Variants in FOCAD observed in about 807,000 individuals in gnomAD.
The protein encoded by FOCAD is focadhesin, also known as KIAA1797.
FOCAD carries 198 observed loss-of-function variants against 225.6 expected under a neutral mutation model. That is an observed-to-expected ratio of 0.88 (90% CI 0.78 to 0.99). The LOEUF (loss-of-function observed/expected upper bound fraction) is 0.99, where lower values mean the gene tolerates loss of function less well. Ranked by LOEUF, FOCAD falls within the 50% of genes least tolerant of loss-of-function variation. The pLI, the probability that FOCAD is intolerant of heterozygous loss-of-function variation, is 0.00. For synonymous variants in FOCAD, 897 were observed against 755.0 expected, an observed-to-expected ratio of 1.19 and a Z score of -3.08; for missense variants, 2,713 against 2,123.6, an observed-to-expected ratio of 1.28 and a Z score of -5.46.
chr9:20,944,662 C>T lies in FOCAD; in HGVS notation c.3443C>T (p.Ser1148Phe). Residue 1148 changes from serine (S) to phenylalanine (F), a missense_variant, in exon 29 of 44, where the codon TCC (serine) becomes TTC (phenylalanine). Coordinates refer to ENST00000338382, the MANE Select transcript of FOCAD (RefSeq NM_001375567.1). ...ATATTGGGAGTTGGACTTGTTCTGTCCCTCATGAGCCACAGCAGCCAAATG... is the reference window on the plus strand; with the variant it reads ...ATATTGGGAGTTGGACTTGTTCTGTTCCTCATGAGCCACAGCAGCCAAATG... ...GCILGVGLVLSLMSHSSQMQS... is the reference protein window; with the variant it reads ...GCILGVGLVLFLMSHSSQMQS... 6.2e-7 allele frequency: 1 copy of T among 1,614,040 alleles called. No individual in the cohort carries two copies. The highest frequency in any genetic ancestry group is 8.5e-7 in the Non-Finnish European group (1 of 1,179,946).
intron 15 of FOCAD, among the ~76,000 whole-genome samples, chr9:20,833,402 A>G (rs1305195393): frequency 6.6e-6 from 1 of 152,060 alleles, no homozygotes; most frequent in Non-Finnish European, 1.5e-5. Flanking sequence ...ATTTTCTTTG[A>G]TTATTATAGG....
chr9:20,850,743 C>A (rs1564070509), intron 15 of FOCAD, among the ~76,000 whole-genome samples: 1 of 151,138 alleles, frequency 6.6e-6, no homozygotes, highest in Non-Finnish European at 1.5e-5. Context: ...AAAGACACAA[C>A]AGAGCATCTG....
intron 4 of FOCAD, among the ~76,000 whole-genome samples, chr9:20,728,145 A>T (rs759628044): frequency 6.6e-6 from 1 of 152,168 alleles, no homozygotes; most frequent in South Asian, 2.1e-4. Flanking sequence ...AAAATTAAAA[A>T]AAAATTTTTT....
chr9:20,769,417 A>T (rs777698110), intron 7 of FOCAD, among the ~76,000 whole-genome samples: 7 of 152,248 alleles, frequency 4.6e-5, no homozygotes, highest in Non-Finnish European at 7.3e-5. Flanking sequence ...TACCAACTCC[A>T]GAATTTTGAT....
chr9:20,971,485 G>A (rs1839760333), intron 35 of FOCAD, among the ~76,000 whole-genome samples: 1 of 151,526 alleles, frequency 6.6e-6, no homozygotes, highest in Admixed American at 6.6e-5. Context: ...TGTTGCTTAG[G>A]CTGGAGTACA....
chr9:20,796,166 A>G (rs1201072008), intron 11 of FOCAD, among the ~76,000 whole-genome samples: 2 of 152,160 alleles, frequency 1.3e-5, no homozygotes, highest in East Asian at 3.8e-4. Context: ...ATGGCTGCAT[A>G]GTATTCCATG....
intron 6 of FOCAD, among the ~76,000 whole-genome samples, chr9:20,759,427 TCTTTG>T (rs1829363445): frequency 6.6e-6 from 1 of 152,194 alleles, no homozygotes; most frequent in African/African-American, 2.4e-5. Context: ...AACTATCTGA[TCTTTG>T]ACAAACCTGA....
chr9:20,720,733 G>A (rs77045955), intron 4 of FOCAD, among the ~76,000 whole-genome samples, 199 bp downstream of exon 4: 2,301 of 152,126 alleles, frequency 0.015, 34 homozygotes, highest in Non-Finnish European at 0.025. Flanking sequence ...GGTCATTTGC[G>A]GTACTTAAGT....
intron 11 of FOCAD, among the ~76,000 whole-genome samples, chr9:20,795,539 A>T (rs1202929296): frequency 6.6e-6 from 1 of 151,880 alleles, no homozygotes; most frequent in Non-Finnish European, 1.5e-5. Flanking sequence ...TAATCCCAGC[A>T]CTTTGGGAGG....
chr9:20,783,228 C>G (rs1227774168), intron 10 of FOCAD, among the ~76,000 whole-genome samples: 1 of 152,128 alleles, frequency 6.6e-6, no homozygotes, highest in Non-Finnish European at 1.5e-5. Context: ...ACACTAATAT[C>G]TGGACTTTCT....
intron 38 of FOCAD, 25 bp downstream of exon 38, chr9:20,981,711 C>G (rs892624077): frequency 6.3e-7 from 1 of 1,590,486 alleles, no homozygotes; most frequent in Admixed American, 1.8e-5. Context: ...TATTTACATT[C>G]CTGACAATTT....
At chr9:20,801,116 C>T (rs1467236977) in intron 11 of FOCAD, among the ~76,000 whole-genome samples, 3 of 152,104 alleles carry the variant, frequency 2.0e-5, no homozygotes, top group African/African-American at 7.2e-5. Flanking sequence ...AGGTCCACTC[C>T]AGACCCTGTT....
intron 35 of FOCAD, among the ~76,000 whole-genome samples, chr9:20,974,937 A>C (rs62558288): frequency 6.6e-6 from 1 of 151,762 alleles, no homozygotes; most frequent in Non-Finnish European, 1.5e-5. Context: ...CCTTCTTCCT[A>C]TGCTTCTCCT....
At chr9:20,881,623 A>G (rs1830671993) in intron 19 of FOCAD, among the ~76,000 whole-genome samples, 1 of 152,186 alleles carries the variant, frequency 6.6e-6, no homozygotes, top group African/African-American at 2.4e-5. Context: ...AGGTGGAATC[A>G]GAAGGACTTG....
chr9:20,905,391 G>C (rs368315783), intron 21 of FOCAD, among the ~76,000 whole-genome samples: 2 of 151,820 alleles, frequency 1.3e-5, no homozygotes, highest in African/African-American at 4.8e-5. Context: ...TTAAACTCAA[G>C]TTTAAAAAGC....
chr9:20,957,724 G>C (rs1233867811), intron 35 of FOCAD: 1 of 129,482 alleles, frequency 7.7e-6, no homozygotes, highest in Non-Finnish European at 1.6e-5. Flanking sequence ...TTCTATGTTG[G>C]CCAGGCTGGT....
intron 2 of FOCAD, among the ~76,000 whole-genome samples, chr9:20,671,863 C>G (rs1283850214): frequency 6.6e-6 from 1 of 152,150 alleles, no homozygotes; most frequent in Non-Finnish European, 1.5e-5. Flanking sequence ...CTTGTACAGG[C>G]TCCTGAGAGC....
intron 15 of FOCAD, among the ~76,000 whole-genome samples, chr9:20,823,701 A>T (rs924913083): frequency 6.6e-6 from 1 of 152,122 alleles, no homozygotes; most frequent in Non-Finnish European, 1.5e-5. Context: ...TCATTGACCT[A>T]ACCAAAGGTT....
intron 11 of FOCAD, among the ~76,000 whole-genome samples, chr9:20,797,178 C>G (rs918920153): frequency 6.6e-6 from 1 of 152,106 alleles, no homozygotes; most frequent in Non-Finnish European, 1.5e-5. Flanking sequence ...TGGTCTGTAT[C>G]TCTGTTTTGG....
Sources: allele counts gnomAD v4.1 joint callset (sites outside exome capture counted in the v4.1 genomes callset), GRCh38; gene constraint gnomAD v4.1.1; transcripts MANE v1.5; gene names NCBI Gene and HGNC (gene_info 2026-07-23, HGNC 2026-07-21).